Variants in TM9SF4 observed in about 807,000 individuals in gnomAD.
TM9SF4 encodes dinucleotide oxidase disulfide thiol exchanger 3 superfamily member 4.
In TM9SF4, 26 loss-of-function variants were observed where a neutral mutation model predicts 90.4. The observed-to-expected ratio is 0.29, with a 90% CI of 0.21 to 0.40. The LOEUF (loss-of-function observed/expected upper bound fraction) is 0.40. TM9SF4 is among the 10% of genes least tolerant of loss of function. The pLI is 1.00. For missense variants in TM9SF4, 549 were observed against 834.8 expected (o/e 0.66, Z 4.22); for synonymous variants, 293 against 315.4 (o/e 0.93, Z 0.75).
rs189673458 is a variant in TM9SF4 at position 32,110,840 on chromosome 20, T to A, written c.15+1085T>A. Among the ~76,000 whole-genome samples the A allele has an allele frequency of 9.2e-5, 14 of 152,312 alleles. No homozygotes were observed. In the East Asian group the frequency reaches 1.5e-3, roughly 17 times the overall value. On this transcript the variant is annotated intron_variant, in intron 1 of 17. Coordinates refer to ENST00000398022, the MANE Select transcript of TM9SF4 (RefSeq NM_014742.4). ...CTGGCCCTTTTTCTAAAAGTTTAGT[T>A]CAAATTCTGCTTGTCAAGAGACCAG...
intron 17 of TM9SF4, among the ~76,000 whole-genome samples, chr20:32,163,271 AT>A (rs1327614084): frequency 3.7e-4 from 26 of 70,756 alleles, no homozygotes; most frequent in South Asian, 1.8e-3. Context: ...AAAAAAAAAT[AT>A]ATATATATAT....
Position 32,118,052 on chromosome 20 carries a change from A to C in TM9SF4, c.15+8297A>C, listed in dbSNP as rs190856391. On this transcript the variant is annotated intron_variant, in intron 1 of 17. Transcript: ENST00000398022. ...CTTTTTCCTTACAGAAAAGAACTGC[A>C]GGCCAAACATCCTCTATCAGGCTAT... Among the ~76,000 whole-genome samples, 558 of 152,344 alleles carry C rather than the reference A, an allele frequency of 3.7e-3. 4 individuals carry two copies. The highest frequency in any genetic ancestry group is 0.013 in the African/African-American group (530 of 41,584).
Position 32,158,018 on chromosome 20 carries a change from G to A in TM9SF4, c.1505+49G>A, listed in dbSNP as rs1218389631. 8.1e-6 allele frequency: 13 copies of A among 1,600,402 alleles called. 1 individual carries two copies. The highest frequency in any genetic ancestry group is 3.3e-5 in the South Asian group (3 of 90,166). ...AGCAGGGGAACGTGGAAGAGGGTAC[G>A]CCCCCCTCCGCCACCAGAAGGGTGC... is the stretch of plus-strand genomic sequence containing the variant. On this transcript the variant is annotated intron_variant, in intron 14 of 17. Coordinates refer to ENST00000398022, the MANE Select transcript of TM9SF4 (RefSeq NM_014742.4).
chr20:32,160,265 C>T (rs1462552386), intron 16 of TM9SF4, among the ~76,000 whole-genome samples, 154 bp downstream of exon 16: 1 of 152,168 alleles, frequency 6.6e-6, no homozygotes, highest in Non-Finnish European at 1.5e-5. Flanking sequence ...TGTGCCTCTC[C>T]CAGCCTCCAT....
rs71185382 is a variant in TM9SF4, at chr20:32,126,068, AACACACAC to A, written c.16-6913_16-6906del. Among the ~76,000 whole-genome samples, 1,326 of 138,672 alleles carry A rather than the reference AACACACAC, an allele frequency of 9.6e-3. 39 individuals carry two copies. The highest frequency in any genetic ancestry group is 0.057 in the Admixed American group (799 of 14,002). The allele number at this position is 138,672 out of a possible 152,430, so 91.0% of individuals were successfully genotyped here. On this transcript the variant is annotated intron_variant, in intron 1 of 17. Coordinates refer to ENST00000398022, the MANE Select transcript of TM9SF4 (RefSeq NM_014742.4). ...GCTGCACACAGCCCTCTTTCCCGTA[AACACACAC>A]ACACACACACACACACACACACACA... is the stretch of plus-strand genomic sequence containing the variant.
chr20:32,144,955 AT>A (rs1390938494), intron 6 of TM9SF4, 135 bp from the exon 7 acceptor site: 2 of 724,346 alleles, frequency 2.8e-6, no homozygotes, highest in Non-Finnish European at 4.9e-6. Flanking sequence ...ATTGTTGCCC[AT>A]TGTGCTCCCA....
At position 32,116,307 on chromosome 20, in the gene TM9SF4, A is replaced by G. The variant is rs2046222111; in HGVS notation, c.15+6552A>G. On this transcript the variant is annotated intron_variant, in intron 1 of 17. Transcript: ENST00000398022. ...ATGAAAGTGCTAGCACAGAGAGGGC[A>G]CTCTGTAACTTTACTCCAAGGTTTG... 4 of 152,182 alleles carry G rather than the reference A, an allele frequency of 2.6e-5. No homozygotes were observed. The South Asian group carries it at 8.3e-4, about 32-fold the overall frequency. The allele number at this position is 152,182 out of a possible 1,614,324, so 9.4% of individuals were successfully genotyped here. A position where few individuals can be genotyped will look rare whatever the true frequency, so the allele number is the denominator to read the frequency against.
In TM9SF4 at chr20:32,161,284, C is replaced by T; in HGVS notation, c.1698C>T (p.Arg566=). The change falls in exon 17 of 18, where the codon CGC becomes CGT. Residue 566 remains arginine (R), a synonymous_variant. Transcript: ENST00000398022. ...CTCTGTTTCCTCCTCAGGATTACCG[C>T]TGGTGGTGGAGAAATTTCCTAGTCT... ...VYFQLCAEDY[R]WWWRNFLVSG... 1 of 1,613,782 alleles carries T rather than the reference C, an allele frequency of 6.2e-7. No homozygotes were observed. The highest frequency in any genetic ancestry group is 8.5e-7 in the Non-Finnish European group (1 of 1,179,964).
chr20:32,165,130 A>G (rs2047081450), intron 17 of TM9SF4, among the ~76,000 whole-genome samples, 165 bp from the exon 18 acceptor site: 1 of 152,180 alleles, frequency 6.6e-6, no homozygotes, highest in African/African-American at 2.4e-5. Context: ...GATGAAGCAG[A>G]GCTGTGCCCA....
intron 3 of TM9SF4, among the ~76,000 whole-genome samples, chr20:32,139,951 T>C (rs1309805047): frequency 6.6e-6 from 1 of 152,202 alleles, no homozygotes; most frequent in East Asian, 1.9e-4. Flanking sequence ...CCCCTGTGTC[T>C]GCAGCAAGTT....
In TM9SF4 at chr20:32,161,506, C is replaced by T. The variant is rs543051584; in HGVS notation, c.1779+141C>T. 8 of 669,388 alleles carry T rather than the reference C, an allele frequency of 1.2e-5. No individual in the cohort carries two copies. The African/African-American group carries it at 1.3e-4, about 11-fold the overall frequency. The allele number at this position is 669,388 out of a possible 1,614,324, so 41.5% of individuals were successfully genotyped here. ...GGACCAAAGCCACCTAGAACTGTTCCTGCTCTAGAAGATGGATCTTTTTAG... is the reference window on the plus strand; with the variant it reads ...GGACCAAAGCCACCTAGAACTGTTCTTGCTCTAGAAGATGGATCTTTTTAG... On this transcript the variant is annotated intron_variant, in intron 17 of 17. Transcript: ENST00000398022.
intron 15 of TM9SF4, 181 bp from the exon 16 acceptor site, chr20:32,159,811 C>T: frequency 1.3e-6 from 1 of 783,060 alleles, no homozygotes; most frequent in Non-Finnish European, 2.0e-6. Context: ...CTGGCCCCTC[C>T]CTAAGGACAG....
intron 1 of TM9SF4, chr20:32,116,527 G>A (rs1215176559): frequency 1.3e-5 from 2 of 152,246 alleles, no homozygotes; most frequent in Non-Finnish European, 2.9e-5. Context: ...CCTGCTGTGC[G>A]TTTTTCCCTA....
intron 5 of TM9SF4, 96 bp from the exon 6 acceptor site, chr20:32,142,886 G>T: frequency 2.6e-6 from 4 of 1,517,554 alleles, no homozygotes; most frequent in Middle Eastern, 1.8e-4. Flanking sequence ...AGGAAGGTTG[G>T]TACAACCAGG....
At chr20:32,157,664 G>T in intron 13 of TM9SF4, 130 bp from the exon 14 acceptor site, 4 of 1,202,812 alleles carry the variant, frequency 3.3e-6, no homozygotes, top group Non-Finnish European at 4.6e-6. Context: ...CTGTGGTGGG[G>T]GCAGGGAGTG....
intron 1 of TM9SF4, among the ~76,000 whole-genome samples, chr20:32,124,948 TTTTG>T (rs1377999003): frequency 6.6e-6 from 1 of 152,170 alleles, no homozygotes; most frequent in Non-Finnish European, 1.5e-5. Context: ...CCTTGTTTTG[TTTTG>T]TTTTACTTTT....
chr20:32,141,431 T>C, intron 3 of TM9SF4, 66 bp from the exon 4 acceptor site: 1 of 1,583,312 alleles, frequency 6.3e-7, no homozygotes, highest in Non-Finnish European at 8.6e-7. Flanking sequence ...TGTGTCTCTG[T>C]GACTCTGCTG....
chr20:32,124,106 G>T (rs1167299391), intron 1 of TM9SF4, among the ~76,000 whole-genome samples: 2 of 152,022 alleles, frequency 1.3e-5, no homozygotes, highest in African/African-American at 4.8e-5. Flanking sequence ...GTCCTCAAGT[G>T]ATTCTCCTGC....
intron 13 of TM9SF4, among the ~76,000 whole-genome samples, chr20:32,155,888 A>C (rs895520875): frequency 2.6e-5 from 4 of 152,208 alleles, no homozygotes; most frequent in Admixed American, 2.6e-4. Flanking sequence ...CCAGCAACTT[A>C]GGAAGCCACC....
Sources: allele counts gnomAD v4.1 joint callset (sites outside exome capture counted in the v4.1 genomes callset), GRCh38; gene constraint gnomAD v4.1.1; transcripts MANE v1.5; gene names NCBI Gene and HGNC (gene_info 2026-07-23, HGNC 2026-07-21).